Variants in CALCRL observed in about 807,000 individuals in gnomAD.
CALCRL encodes the protein calcitonin gene-related peptide type 1 receptor.
A neutral mutation model predicts 60.4 loss-of-function variants in CALCRL; 27 were observed. The observed-to-expected ratio is 0.45, with a 90% CI of 0.33 to 0.62. The LOEUF is 0.62. Among genes scored for constraint, CALCRL ranks in the 20% least tolerant of loss-of-function variants. The probability of loss-of-function intolerance (pLI) is 0.03; values close to 1 mark genes in which losing one functional copy is unlikely to be tolerated. For missense variants in CALCRL, 424 were observed against 540.7 expected, an observed-to-expected ratio of 0.78 and a Z score of 2.14; for synonymous variants, 190 against 182.6, an observed-to-expected ratio of 1.04 and a Z score of -0.33.
chr2:187,375,998 T>C (rs1687741648), intron 8 of CALCRL, among the ~76,000 whole-genome samples: 1 of 152,148 alleles, frequency 6.6e-6, no homozygotes, highest in Admixed American at 6.5e-5. Context: ...GCTTGCCAAA[T>C]ACTTTAACAG....
chr2:187,392,719 T>A lies in CALCRL; in HGVS notation c.-292-4963A>T, dbSNP rs375540709. On this transcript the variant is annotated intron_variant, in intron 1 of 14. Transcript: ENST00000392370. ...AGTCTTTTTATTATTTATTATTATT[T>A]TTTTAGAGACAGGATGTCACTCTGC... is the stretch of plus-strand genomic sequence containing the variant. Among the ~76,000 whole-genome samples the A allele has an allele frequency of 2.2e-3, 331 of 152,224 alleles. 4 individuals are homozygous for A. The highest frequency in any genetic ancestry group is 7.5e-3 in the African/African-American group (311 of 41,542).
intron 1 of CALCRL, among the ~76,000 whole-genome samples, chr2:187,395,624 G>A (rs548095740): frequency 6.6e-6 from 1 of 152,124 alleles, no homozygotes; most frequent in South Asian, 2.1e-4. Context: ...TAGGGTGAAG[G>A]TGGTGAGATA....
chr2:187,400,716 A>C (rs1432986859), intron 1 of CALCRL, among the ~76,000 whole-genome samples: 1 of 151,560 alleles, frequency 6.6e-6, no homozygotes, highest in Non-Finnish European at 1.5e-5. Flanking sequence ...AGGAGTACTT[A>C]ATGCATGCTA....
At chr2:187,405,960 GGTGTGTGTGT>G (rs3079520) in intron 1 of CALCRL, among the ~76,000 whole-genome samples, 3 of 146,610 alleles carry the variant, frequency 2.0e-5, no homozygotes, top group Admixed American at 6.8e-5. Context: ...TGTATGTAGG[GGTGTGTGTGT>G]GTGTGTGTGT....
chr2:187,386,699 C>CGT (rs1688217720), intron 3 of CALCRL, among the ~76,000 whole-genome samples: 2 of 26,314 alleles, frequency 7.6e-5, no homozygotes, highest in Non-Finnish European at 1.5e-4. Flanking sequence ...AGGATGTAGC[C>CGT]ATAACTAAAT....
chr2:187,407,376 G>T (rs906286041), intron 1 of CALCRL, among the ~76,000 whole-genome samples: 1 of 152,030 alleles, frequency 6.6e-6, no homozygotes, highest in Non-Finnish European at 1.5e-5. Flanking sequence ...TGTTTTGTCT[G>T]TTTGTAAAGT....
chr2:187,396,648 A>G (rs773355198), intron 1 of CALCRL, among the ~76,000 whole-genome samples: 72 of 151,946 alleles, frequency 4.7e-4, no homozygotes, highest in Non-Finnish European at 2.4e-4. Flanking sequence ...TTAAATTCCT[A>G]TGGATGACCT....
Position 187,344,368 on chromosome 2 carries a change from T to C in CALCRL, c.*1816A>G, listed in dbSNP as rs1298822464. On this transcript the variant is annotated 3_prime_UTR_variant, in exon 15 of 15. Coordinates refer to ENST00000392370, the MANE Select transcript of CALCRL (RefSeq NM_005795.6). ...AAATAAGTTCTGAACTCACCATCTA[T>C]TGACATATTGACAGCTTAAGAAACA... 1 of 151,652 alleles carries C rather than the reference T, an allele frequency of 6.6e-6. No individual in the cohort carries two copies. Among genetic ancestry groups the C allele is most frequent in the Non-Finnish European group, 1.5e-5 (1 of 67,684 alleles). The allele number at this position is 151,652 out of a possible 1,614,324, so 9.4% of individuals were successfully genotyped here.
rs747829344 is a variant in CALCRL, at chr2:187,359,282, C to CA, written c.782-11dup. 7.5e-3 allele frequency: 8,955 copies of CA among 1,194,144 alleles called. 1 individual carries two copies. Among genetic ancestry groups the CA allele is most frequent in the South Asian group, 0.016 (777 of 48,912 alleles). The allele number at this position is 1,194,144 out of a possible 1,614,324, so 74.0% of individuals were successfully genotyped here. ...GGAATCAGTGGAAATCCTGTAATAA[C>CA]AAAAAAAAAAGAAAATAAATAGGCA... On this transcript the variant is annotated splice_polypyrimidine_tract_variant and intron_variant, in intron 10 of 14. Transcript: ENST00000392370.
chr2:187,434,446 T>C (rs1690543445), intron 1 of CALCRL, among the ~76,000 whole-genome samples: 1 of 152,172 alleles, frequency 6.6e-6, no homozygotes, highest in Non-Finnish European at 1.5e-5. Flanking sequence ...GATGCTATGT[T>C]ACACTCAGCA....
intron 12 of CALCRL, among the ~76,000 whole-genome samples, chr2:187,355,478 A>T (rs577132078): frequency 6.6e-6 from 1 of 152,234 alleles, no homozygotes; most frequent in South Asian, 2.1e-4. Flanking sequence ...CTTAACAATG[A>T]TACATTTTGA....
rs1161426051 is a variant in CALCRL, at chr2:187,448,224, C to G, written c.-478G>C. ...GATGGTCCTAAAGCAGGAGGTGACACTCTCTGCTGGAGAGAGAGAGGTTGT... is the reference window on the plus strand; with the variant it reads ...GATGGTCCTAAAGCAGGAGGTGACAGTCTCTGCTGGAGAGAGAGAGGTTGT... On this transcript the variant is annotated 5_prime_UTR_variant, in exon 1 of 15. Transcript: ENST00000392370. 1.3e-5 allele frequency: 2 copies of G among 152,062 alleles called. No individual in the cohort carries two copies. Among genetic ancestry groups the G allele is most frequent in the African/African-American group, 4.8e-5 (2 of 41,418 alleles). The allele number at this position is 152,062 out of a possible 1,614,324, so 9.4% of individuals were successfully genotyped here. A position where few individuals can be genotyped will look rare whatever the true frequency, so the allele number is the denominator to read the frequency against.
At chr2:187,376,248 A>T (rs1687751562) in intron 8 of CALCRL, among the ~76,000 whole-genome samples, 1 of 152,044 alleles carries the variant, frequency 6.6e-6, no homozygotes, top group African/African-American at 2.4e-5. Flanking sequence ...TCGTTTTTTT[A>T]AATTTTTTTA....
At chr2:187,352,856 A>G (rs1686595019) in intron 12 of CALCRL, among the ~76,000 whole-genome samples, 2 of 151,922 alleles carry the variant, frequency 1.3e-5, no homozygotes, top group Admixed American at 6.6e-5. Context: ...ACCTCTCCAA[A>G]GTATCACTGT....
intron 1 of CALCRL, among the ~76,000 whole-genome samples, chr2:187,422,902 T>A (rs979096853): frequency 2.0e-5 from 3 of 151,974 alleles, no homozygotes; most frequent in Admixed American, 2.0e-4. Context: ...ATTAAAAAGA[T>A]AAAAGGATCT....
At chr2:187,448,015 T>A (rs1438191190) in intron 1 of CALCRL, 24 bp downstream of exon 1, 1 of 152,074 alleles carries the variant, frequency 6.6e-6, no homozygotes, top group Non-Finnish European at 1.5e-5. Context: ...AGAATAAATA[T>A]ATTTATTTTG....
intron 1 of CALCRL, among the ~76,000 whole-genome samples, chr2:187,399,322 T>G (rs1274465341): frequency 6.6e-6 from 1 of 151,472 alleles, no homozygotes; most frequent in East Asian, 1.9e-4. Flanking sequence ...TAGCAGTATA[T>G]GCTCTTGGAT....
chr2:187,398,514 C>T (rs1688752372), intron 1 of CALCRL, among the ~76,000 whole-genome samples: 1 of 151,560 alleles, frequency 6.6e-6, no homozygotes, highest in East Asian at 1.9e-4. Flanking sequence ...CTGATTAGCA[C>T]ATCTTCTTTA....
At position 187,342,574 on chromosome 2, in the gene CALCRL, A is replaced by C. The variant is rs974956609; in HGVS notation, c.*3610T>G. Among the ~76,000 whole-genome samples the C allele has an allele frequency of 1.3e-5, 2 of 151,556 alleles. No homozygotes were observed. Among genetic ancestry groups the C allele is most frequent in the Non-Finnish European group, 3.0e-5 (2 of 67,616 alleles). ...TTTAATCAAGAATATTCTTTCTTTG[A>C]GATTAGTATAATCACAAGGAGGAGA... On this transcript the variant is annotated 3_prime_UTR_variant, in exon 15 of 15. Transcript: ENST00000392370.
Sources: allele counts gnomAD v4.1 joint callset (sites outside exome capture counted in the v4.1 genomes callset), GRCh38; gene constraint gnomAD v4.1.1; transcripts MANE v1.5; gene names NCBI Gene and HGNC (gene_info 2026-07-23, HGNC 2026-07-21).